RLN1: variants seen among roughly 807,000 people sequenced by gnomAD.
RLN1 encodes relaxin 1.
In RLN1, 4 loss-of-function variants were observed where a neutral mutation model predicts 7.2. That is an observed-to-expected ratio of 0.56 (90% CI 0.28 to 1.28). RLN1 has a LOEUF of 1.28. RLN1 is among the 50% of genes most tolerant of loss of function. RLN1 has a pLI of 0.11. For synonymous variants in RLN1, 105 were observed against 86.0 expected (o/e 1.22, Z -1.22); for missense variants, 293 against 221.1 (o/e 1.32, Z -2.06).
chr9:5,340,656 G>C (rs377445116), upstream of RLN1, among the ~76,000 whole-genome samples: 2 of 152,102 alleles, frequency 1.3e-5, no homozygotes, highest in East Asian at 1.9e-4. Context: ...TTTGTTTACT[G>C]TATTTTGTGT....
chr9:5,336,688 T>G (rs1816900875), intron 1 of RLN1, among the ~76,000 whole-genome samples: 1 of 152,110 alleles, frequency 6.6e-6, no homozygotes, highest in African/African-American at 2.4e-5. Flanking sequence ...TGACAATGTT[T>G]AAATTATAGT....
upstream of RLN1, among the ~76,000 whole-genome samples, chr9:5,340,685 G>C (rs1299145275): frequency 1.3e-5 from 2 of 152,156 alleles, no homozygotes; most frequent in African/African-American, 4.8e-5. Context: ...CCTGGTTAGA[G>C]GTGATTCTTT....
At chr9:5,335,718 T>C (rs1036810446) in intron 1 of RLN1, 121 bp from the exon 2 acceptor site, 6 of 651,838 alleles carry the variant, frequency 9.2e-6, no homozygotes, top group Non-Finnish European at 1.3e-5. Context: ...AAATTAAACA[T>C]TGAAACACAA....
chr9:5,339,297 T>C (rs1166179360), intron 1 of RLN1: 3 of 391,278 alleles, frequency 7.7e-6, no homozygotes, highest in South Asian at 6.7e-5. Flanking sequence ...GTGAAGCAGC[T>C]TCCTGTTCTC....
At chr9:5,337,477 T>C (rs767640310) in intron 1 of RLN1, among the ~76,000 whole-genome samples, 27 of 152,160 alleles carry the variant, frequency 1.8e-4, no homozygotes, top group Non-Finnish European at 3.5e-4. Flanking sequence ...TGGATGCAAA[T>C]CTTACTGAAA....
At position 5,336,042 on chromosome 9, in the gene RLN1, G is replaced by T. The variant is rs114011611; in HGVS notation, c.212-445C>A. On this transcript the variant is annotated intron_variant, in intron 1 of 1. Coordinates refer to ENST00000223862, the MANE Select transcript of RLN1 (RefSeq NM_006911.4). ...AGTTGTAGTAACAACGCTTGAAAAAGATATTATTTTAAGCTACTCAATGTT... is the reference window on the plus strand; with the variant it reads ...AGTTGTAGTAACAACGCTTGAAAAATATATTATTTTAAGCTACTCAATGTT... Among the ~76,000 whole-genome samples, 946 of 152,092 alleles carry T rather than the reference G, an allele frequency of 6.2e-3. 22 individuals are homozygous for T. Among genetic ancestry groups the T allele is most frequent in the African/African-American group, 0.022 (893 of 41,444 alleles).
chr9:5,336,377 T>C (rs1217379796), intron 1 of RLN1, among the ~76,000 whole-genome samples: 1 of 151,984 alleles, frequency 6.6e-6, no homozygotes, highest in East Asian at 1.9e-4. Flanking sequence ...GCAAGATCTG[T>C]GTGATTCCTA....
Position 5,339,563 on chromosome 9 carries a change from C to A in RLN1, c.184G>T (p.Ala62Ser), listed in dbSNP as rs201089402. Residue 62 changes from alanine (A) to serine (S), a missense_variant, in exon 1 of 2, where the codon GCT becomes TCT. Ala to Ser is a moderately conservative substitution (Grantham distance 99, BLOSUM62 1). Transcript: ENST00000223862. The stretch of plus-strand genomic sequence containing the variant: ...GCCACTGGTCTAGGTGTCTGAGGAG[C>A]ATCTTCCTGGCTCAGAGACCTTTTG... ...WSKRSLSQED[A>S]PQTPRPVAEI... is the part of the protein sequence containing the mutation. 1.2e-5 allele frequency: 20 copies of A among 1,602,558 alleles called. No individual in the cohort carries two copies. In the East Asian group the frequency reaches 4.3e-4, roughly 34 times the overall value.
chr9:5,339,347 GT>G (rs1357359403), intron 1 of RLN1, 188 bp downstream of exon 1: 11 of 500,676 alleles, frequency 2.2e-5, no homozygotes, highest in Non-Finnish European at 3.0e-5. Context: ...CAGTGAGACT[GT>G]TTGAATAAAA....
Position 5,335,264 on chromosome 9 carries a change from G to A in RLN1, c.545C>T (p.Ala182Val). The change falls in exon 2 of 2, where the codon GCT becomes GTT. Residue 182 changes from alanine to valine, a missense_variant. By Grantham distance (64) the Ala-to-Val change is moderately conservative (BLOSUM62 0). Transcript: ENST00000223862. ...CLIGCTKRSL[A>V]KYC ...ATTAGCTTCATCTCAGCAATATTTA[G>A]CAAGAGACCTTTTGGTACAACCAAT... 6.3e-7 allele frequency: 1 copy of A among 1,588,052 alleles called. No homozygotes were observed. The highest frequency in any genetic ancestry group is 1.2e-5 in the South Asian group (1 of 85,688).
rs1317700145 is a variant in RLN1, at chr9:5,335,210, A to G, written c.*41T>C. On this transcript the variant is annotated 3_prime_UTR_variant, in exon 2 of 2. Transcript: ENST00000223862. ...GCATCAGTGAAATGTCATCAAGACTATGTGTGAAAATTAGACAAGATGTGC... is the reference window on the plus strand; with the variant it reads ...GCATCAGTGAAATGTCATCAAGACTGTGTGTGAAAATTAGACAAGATGTGC... 8.2e-7 allele frequency: 1 copy of G among 1,226,530 alleles called. No individual in the cohort carries two copies. The allele number at this position is 1,226,530 out of a possible 1,614,324, so 76.0% of individuals were successfully genotyped here.
intron 1 of RLN1, among the ~76,000 whole-genome samples, chr9:5,336,860 A>T (rs1816904949): frequency 6.6e-6 from 1 of 151,990 alleles, no homozygotes; most frequent in Non-Finnish European, 1.5e-5. Context: ...GATCAGAGGA[A>T]ACCACGACCC....
At chr9:5,335,987 C>T (rs1816883056) in intron 1 of RLN1, among the ~76,000 whole-genome samples, 1 of 152,028 alleles carries the variant, frequency 6.6e-6, no homozygotes, top group Admixed American at 6.6e-5. Context: ...CGTTTTCTTC[C>T]ATTGCTAAGC....
At chr9:5,335,721 A>C in intron 1 of RLN1, 124 bp from the exon 2 acceptor site, 1 of 648,002 alleles carries the variant, frequency 1.5e-6, no homozygotes, top group East Asian at 2.7e-5. Flanking sequence ...TTAAACATTG[A>C]AACACAAAAG....
intron 1 of RLN1, chr9:5,339,286 G>C: frequency 2.8e-6 from 1 of 361,280 alleles, no homozygotes; most frequent in Non-Finnish European, 4.7e-6. Flanking sequence ...GGAACTCTCG[G>C]GTGAAGCAGC....
At chr9:5,335,829 T>A (rs1275368217) in intron 1 of RLN1, among the ~76,000 whole-genome samples, 2 of 152,036 alleles carry the variant, frequency 1.3e-5, no homozygotes, top group African/African-American at 4.8e-5. Flanking sequence ...TCCTCTCTCG[T>A]CTCTCTTCAT....
At chr9:5,339,455 G>C in intron 1 of RLN1, 81 bp downstream of exon 1, 1 of 924,660 alleles carries the variant, frequency 1.1e-6, no homozygotes, top group Non-Finnish European at 1.6e-6. Context: ...CGGACGTGCA[G>C]GCCGCCGTTC....
In RLN1 at chr9:5,335,140, A is replaced by T; in HGVS notation, c.*111T>A. 1.6e-6 allele frequency: 1 copy of T among 609,124 alleles called. No homozygotes were observed. Among genetic ancestry groups the T allele is most frequent in the Middle Eastern group, 3.9e-4 (1 of 2,536 alleles). The allele number at this position is 609,124 out of a possible 1,614,324, so 37.7% of individuals were successfully genotyped here. On this transcript the variant is annotated 3_prime_UTR_variant, in exon 2 of 2. Coordinates refer to ENST00000223862, the MANE Select transcript of RLN1 (RefSeq NM_006911.4). ...ACACCAAATGAAAAATCTAAACATT[A>T]ATAAAGATTTCTTATATTCTAATAA...
upstream of RLN1, among the ~76,000 whole-genome samples, chr9:5,340,059 A>C (rs1816961328): frequency 1.3e-5 from 2 of 152,172 alleles, no homozygotes; most frequent in African/African-American, 4.8e-5. Context: ...TTACCCTGAA[A>C]CAACTTTGTA....
Sources: allele counts gnomAD v4.1 joint callset (sites outside exome capture counted in the v4.1 genomes callset), GRCh38; gene constraint gnomAD v4.1.1; transcripts MANE v1.5; gene names NCBI Gene and HGNC (gene_info 2026-07-23, HGNC 2026-07-21).